Variants in MAN1C1 observed in about 807,000 individuals in gnomAD.
MAN1C1 encodes the protein mannosidase alpha class 1C member 1.
MAN1C1 carries 49 observed loss-of-function variants against 71.5 expected under a neutral mutation model. That is an observed-to-expected ratio of 0.69 (90% CI 0.54 to 0.87). The LOEUF (loss-of-function observed/expected upper bound fraction) is 0.87. Among genes scored for constraint, MAN1C1 ranks in the 40% least tolerant of loss-of-function variants. The pLI, the probability that MAN1C1 is intolerant of heterozygous loss-of-function variation, is 0.00. For missense variants in MAN1C1, 743 were observed against 835.0 expected, an observed-to-expected ratio of 0.89 and a Z score of 1.36; for synonymous variants, 352 against 343.7, an observed-to-expected ratio of 1.02 and a Z score of -0.27.
intron 4 of MAN1C1, among the ~76,000 whole-genome samples, chr1:25,750,398 G>A (rs1202311334): frequency 6.6e-6 from 1 of 151,518 alleles, no homozygotes; most frequent in Non-Finnish European, 1.5e-5. Context: ...CAGAGAGGCT[G>A]CTGTGAGGCT....
rs2047403271 is a variant in MAN1C1, at chr1:25,764,562, G to T, written c.1141+595G>T. 6.6e-6 allele frequency among the ~76,000 whole-genome samples: 1 copy of T among 151,894 alleles called. No homozygotes were observed. The highest frequency in any genetic ancestry group is 1.5e-5 in the Non-Finnish European group (1 of 68,000). On this transcript the variant is annotated intron_variant, in intron 7 of 11. Transcript: ENST00000374332. The surrounding 1 kb of genome is among the most constrained non-coding windows in gnomAD (Gnocchi z 4.4). ...CGAGTAGCTGGGACTACAAGCATGT[G>T]CCACCATGTCTGGCTACTTTTTTTG...
intron 1 of MAN1C1, among the ~76,000 whole-genome samples, chr1:25,670,028 T>A (rs2045973255): frequency 1.3e-5 from 2 of 152,222 alleles, no homozygotes; most frequent in African/African-American, 4.8e-5. Flanking sequence ...CTAAATGGAT[T>A]TCCAAAGCAG....
Position 25,701,702 on chromosome 1 carries a change from G to A in MAN1C1, c.637+15166G>A, listed in dbSNP as rs79357686. Among the ~76,000 whole-genome samples the A allele has an allele frequency of 6.8e-3, 1,038 of 152,304 alleles. 12 individuals are homozygous for A. Among genetic ancestry groups the A allele is most frequent in the Non-Finnish European group, 0.011 (761 of 68,022 alleles). ...TGTGCCATTGATTCAAAGGGCGTGC[G>A]ATGTGCCTCTGTTGACCCTATTCAT... On this transcript the variant is annotated intron_variant, in intron 2 of 11. Coordinates refer to ENST00000374332, the MANE Select transcript of MAN1C1 (RefSeq NM_020379.4).
intron 1 of MAN1C1, among the ~76,000 whole-genome samples, chr1:25,677,411 G>GACACAC (rs3835656): frequency 0.019 from 2,907 of 150,102 alleles, 87 homozygotes; most frequent in African/African-American, 0.066. Flanking sequence ...CTCTAGCAGG[G>GACACAC]ACACACACAC....
In MAN1C1 at chr1:25,746,865, A is replaced by T; in HGVS notation, c.753+82A>T. On this transcript the variant is annotated intron_variant, in intron 3 of 11. Transcript: ENST00000374332. This position sits in a 1 kb window ranked among gnomAD's most constrained non-coding sequence, Gnocchi z 4.0. ...CCAGCTTCACCCTGTCATCTCTGAG[A>T]CCCAGAGATGTTGAGGGTCTCTCCC... 4 of 934,716 alleles carry T rather than the reference A, an allele frequency of 4.3e-6. No homozygotes were observed. Among genetic ancestry groups the T allele is most frequent in the South Asian group, 1.6e-5 (1 of 61,920 alleles). 57.9% of individuals were successfully genotyped at this position (934,716 alleles called of 1,614,324 possible).
In MAN1C1 at chr1:25,764,113, C is replaced by G. The variant is rs2047397166; in HGVS notation, c.1141+146C>G. ...GGCATTCGCTCGGTGCTCCTGGACACCACCTGCCTTCCCATGCATCCTGGG... is the reference window on the plus strand; with the variant it reads ...GGCATTCGCTCGGTGCTCCTGGACAGCACCTGCCTTCCCATGCATCCTGGG... On this transcript the variant is annotated intron_variant, in intron 7 of 11. Transcript: ENST00000374332. The surrounding 1 kb of genome is among the most constrained non-coding windows in gnomAD (Gnocchi z 4.4). 1 of 658,246 alleles carries G rather than the reference C, an allele frequency of 1.5e-6. No individual in the cohort carries two copies. The highest frequency in any genetic ancestry group is 1.8e-5 in the South Asian group (1 of 54,304). The allele number at this position is 658,246 out of a possible 1,614,324, so 40.8% of individuals were successfully genotyped here.
intron 8 of MAN1C1, 59 bp downstream of exon 8, chr1:25,771,831 G>T (rs1441042495): frequency 9.2e-6 from 13 of 1,406,524 alleles, no homozygotes; most frequent in Non-Finnish European, 1.3e-5. Flanking sequence ...GCTCTCTCAC[G>T]GCCGAGCGAG....
intron 1 of MAN1C1, among the ~76,000 whole-genome samples, chr1:25,665,855 C>CTTTTTTTTT (rs757054975): frequency 2.1e-5 from 2 of 96,914 alleles, no homozygotes; most frequent in African/African-American, 8.4e-5. Context: ...TTGGCATTGG[C>CTTTTTTTTT]TTTTTTTTTT....
In MAN1C1 at chr1:25,764,500, C is replaced by T. The variant is rs1473219462; in HGVS notation, c.1141+533C>T. The stretch of plus-strand genomic sequence containing the variant: ...CGATCTCGGCTCACTGCAACCTCTG[C>T]CTCCCAGGTTCAAGTGATTCTCCTG... On this transcript the variant is annotated intron_variant, in intron 7 of 11. Transcript: ENST00000374332. The surrounding 1 kb of genome is among the most constrained non-coding windows in gnomAD (Gnocchi z 4.4). 6.6e-6 allele frequency among the ~76,000 whole-genome samples: 1 copy of T among 152,000 alleles called. No individual in the cohort carries two copies. The highest frequency in any genetic ancestry group is 2.0e-4 in the East Asian group (1 of 5,116).
chr1:25,667,869 A>G (rs985986365), intron 1 of MAN1C1, among the ~76,000 whole-genome samples: 44 of 152,164 alleles, frequency 2.9e-4, no homozygotes, highest in Non-Finnish European at 5.7e-4. Context: ...AAAAATGAAA[A>G]GAAAACCCAC....
intron 4 of MAN1C1, among the ~76,000 whole-genome samples, chr1:25,750,665 G>C (rs1171570245): frequency 6.6e-6 from 1 of 152,198 alleles, no homozygotes; most frequent in East Asian, 1.9e-4. Flanking sequence ...AATCTCCTCA[G>C]CAGAGATTAG....
At chr1:25,685,324 C>G (rs1219802625) in intron 1 of MAN1C1, among the ~76,000 whole-genome samples, 1 of 152,254 alleles carries the variant, frequency 6.6e-6, no homozygotes, top group East Asian at 1.9e-4. Flanking sequence ...CTGAGTATTT[C>G]CCAGCACACT....
Position 25,634,022 on chromosome 1 carries a change from A to G in MAN1C1, c.540+15685A>G, listed in dbSNP as rs866954986. On this transcript the variant is annotated intron_variant, in intron 1 of 11. Coordinates refer to ENST00000374332, the MANE Select transcript of MAN1C1 (RefSeq NM_020379.4). This position sits in a 1 kb window ranked among gnomAD's most constrained non-coding sequence, Gnocchi z 4.6. ...ATATTCTTTAAATATTTGTTTTCCA[A>G]TTGTTTGTTGCCAGTACATAGAAAT... is the stretch of plus-strand genomic sequence containing the variant. Among the ~76,000 whole-genome samples the G allele has an allele frequency of 6.6e-6, 1 of 152,120 alleles. No homozygotes were observed. The highest frequency in any genetic ancestry group is 1.5e-5 in the Non-Finnish European group (1 of 68,014).
rs2045289077 is a variant in MAN1C1, at chr1:25,626,092, T to C, written c.540+7755T>C. Among the ~76,000 whole-genome samples, 3 of 152,224 alleles carry C rather than the reference T, an allele frequency of 2.0e-5. No homozygotes were observed. In the South Asian group the frequency reaches 6.2e-4, roughly 31 times the overall value. On this transcript the variant is annotated intron_variant, in intron 1 of 11. Coordinates refer to ENST00000374332, the MANE Select transcript of MAN1C1 (RefSeq NM_020379.4). ...CTGTGTGTGGGCATATGTTTTCATT[T>C]CTTCTGTATAACTAGGGGTGGAATT...
intron 1 of MAN1C1, among the ~76,000 whole-genome samples, chr1:25,625,296 C>A (rs1474994281): frequency 6.6e-6 from 1 of 152,068 alleles, no homozygotes; most frequent in Non-Finnish European, 1.5e-5. Flanking sequence ...TGAGCCGCAC[C>A]CAGCCAAATG....
intron 2 of MAN1C1, among the ~76,000 whole-genome samples, chr1:25,734,629 A>T (rs2993237): frequency 0.035 from 5,264 of 152,258 alleles, 306 homozygotes; most frequent in African/African-American, 0.12. Context: ...AGCACCTCAC[A>T]CCACAGAGGA....
intron 2 of MAN1C1, among the ~76,000 whole-genome samples, chr1:25,692,152 T>TCTCA (rs1335876789): frequency 6.6e-6 from 1 of 152,108 alleles, no homozygotes; most frequent in African/African-American, 2.4e-5. Context: ...GTGTCCTGAG[T>TCTCA]CTCAGTGCAG....
intron 1 of MAN1C1, among the ~76,000 whole-genome samples, chr1:25,641,875 T>G (rs2045542650): frequency 6.6e-6 from 1 of 152,214 alleles, no homozygotes; most frequent in African/African-American, 2.4e-5. Context: ...AAGCCATGAA[T>G]TTATTAAAAC....
chr1:25,734,951 A>T (rs1196400077), intron 2 of MAN1C1, among the ~76,000 whole-genome samples: 1 of 152,242 alleles, frequency 6.6e-6, no homozygotes, highest in Non-Finnish European at 1.5e-5. Flanking sequence ...GAAACATTTT[A>T]TCTAGAAGTT....
Sources: allele counts gnomAD v4.1 joint callset (sites outside exome capture counted in the v4.1 genomes callset), GRCh38; gene constraint gnomAD v4.1.1; non-coding constraint Gnocchi (gnomAD v3.1); transcripts MANE v1.5; gene names NCBI Gene and HGNC (gene_info 2026-07-23, HGNC 2026-07-21).